Variants in SPATA13 observed in about 807,000 individuals in gnomAD.
SPATA13 encodes spermatogenesis associated 13.
In SPATA13, 50 loss-of-function variants were observed where a neutral mutation model predicts 104.0. The ratio of observed to expected loss-of-function variants is 0.48; its 90% CI spans 0.38 to 0.61. The LOEUF is 0.61. SPATA13 is among the 20% of genes least tolerant of loss of function. The pLI, the probability that SPATA13 is intolerant of heterozygous loss-of-function variation, is 0.00. For synonymous variants in SPATA13, 606 were observed against 667.5 expected, an observed-to-expected ratio of 0.91 and a Z score of 1.42; for missense variants, 1,524 against 1,690.6, an observed-to-expected ratio of 0.90 and a Z score of 1.73.
chr13:24,071,326 C>T lies in SPATA13; in HGVS notation c.-112+53625C>T, dbSNP rs1345402504. Among the ~76,000 whole-genome samples the T allele has an allele frequency of 1.3e-5, 2 of 152,188 alleles. 1 individual carries two copies. Among genetic ancestry groups the T allele is most frequent in the Non-Finnish European group, 2.9e-5 (2 of 68,040 alleles). On this transcript the variant is annotated intron_variant, in intron 3 of 14. Coordinates refer to the SPATA13 transcript ENST00000424834. The stretch of plus-strand genomic sequence containing the variant: ...ATCCAGAAGCTAGTTGGAGCTTAGC[C>T]TGCTATGCTGAACTTCAGGAAACTG...
chr13:24,300,604 G>T (rs1877115677), intron 12 of SPATA13, 129 bp downstream of exon 12: 1 of 826,420 alleles, frequency 1.2e-6, no homozygotes, highest in African/African-American at 1.7e-5. Context: ...GAACTCAAGG[G>T]CAGGTCCAGA....
chr13:24,294,419 T>C (rs945756569), intron 9 of SPATA13, among the ~76,000 whole-genome samples: 1 of 152,252 alleles, frequency 6.6e-6, no homozygotes, highest in African/African-American at 2.4e-5. Context: ...CTTTCTGTAT[T>C]AATGAAAGTC....
intron 3 of SPATA13, chr13:24,123,608 C>T: frequency 6.2e-7 from 1 of 1,607,072 alleles, no homozygotes; most frequent in East Asian, 2.2e-5. Flanking sequence ...AGGCTGTAAA[C>T]AAAAGTGTCT....
chr13:24,141,050 C>T (rs568884366), intron 3 of SPATA13, among the ~76,000 whole-genome samples: 125 of 152,072 alleles, frequency 8.2e-4, no homozygotes, highest in Admixed American at 1.6e-3. Flanking sequence ...TAGCGAGCAC[C>T]TGTAATCCCA....
At chr13:24,301,134 C>G (rs2138778542) in intron 12 of SPATA13, among the ~76,000 whole-genome samples, 1 of 152,292 alleles carries the variant, frequency 6.6e-6, no homozygotes. Context: ...TCTGGCCCAA[C>G]AGGAATTCAG....
intron 2 of SPATA13, among the ~76,000 whole-genome samples, chr13:24,006,756 C>T (rs947649601): frequency 6.7e-6 from 1 of 150,200 alleles, no homozygotes; most frequent in Non-Finnish European, 1.5e-5. Flanking sequence ...CCGGGACACG[C>T]AGCCCAAGCT....
chr13:24,174,737 T>C (rs1423428847), intron 1 of SPATA13, among the ~76,000 whole-genome samples: 1 of 152,096 alleles, frequency 6.6e-6, no homozygotes, highest in Non-Finnish European at 1.5e-5. Context: ...TCACCACGCC[T>C]GGCTAATATT....
intron 3 of SPATA13, among the ~76,000 whole-genome samples, chr13:24,097,111 T>G (rs754151038): frequency 6.6e-6 from 1 of 151,956 alleles, no homozygotes; most frequent in Non-Finnish European, 1.5e-5. Context: ...GAGATAGAAT[T>G]AATAGGGCTT....
intron 1 of SPATA13, among the ~76,000 whole-genome samples, chr13:24,220,246 C>T (rs1401909474): frequency 6.6e-6 from 1 of 152,154 alleles, no homozygotes; most frequent in Non-Finnish European, 1.5e-5. Flanking sequence ...CAAGGTTAGG[C>T]CGATTCCCAT....
intron 3 of SPATA13, among the ~76,000 whole-genome samples, chr13:24,143,989 C>T (rs1253582434): frequency 2.0e-5 from 3 of 152,122 alleles, no homozygotes; most frequent in Admixed American, 6.5e-5. Context: ...TGAGAAAGGC[C>T]GCCCAGGGTT....
chr13:24,249,453 A>T, intron 2 of SPATA13, 24 bp from the exon 3 acceptor site: 1 of 1,519,218 alleles, frequency 6.6e-7, no homozygotes, highest in Non-Finnish European at 8.8e-7. Context: ...TATTGAGCTC[A>T]CCTGACCTGT....
At chr13:24,080,362 AC>A (rs1879470874) in intron 3 of SPATA13, among the ~76,000 whole-genome samples, 1 of 152,242 alleles carries the variant, frequency 6.6e-6, no homozygotes, top group South Asian at 2.1e-4. Context: ...ATAAGCAGGA[AC>A]CAACGACTTA....
intron 1 of SPATA13, among the ~76,000 whole-genome samples, chr13:24,182,935 G>T (rs932763825): frequency 1.3e-5 from 2 of 152,124 alleles, no homozygotes; most frequent in Non-Finnish European, 2.9e-5. Context: ...TCACAGCAGG[G>T]CCTTGGTGCC....
Position 24,051,947 on chromosome 13 carries a change from A to T in SPATA13, c.-112+34246A>T, listed in dbSNP as rs1209468799. On this transcript the variant is annotated intron_variant, in intron 3 of 14. Transcript: ENST00000424834. This position sits in a 1 kb window ranked among gnomAD's most constrained non-coding sequence, Gnocchi z 4.2. ...ACCCCTGCAGCTCCTCACCAGGTTC[A>T]GACGTCCTGGCTCTGGTCCTCCCAC... 6.6e-6 allele frequency among the ~76,000 whole-genome samples: 1 copy of T among 152,172 alleles called. No individual in the cohort carries two copies. Among genetic ancestry groups the T allele is most frequent in the Non-Finnish European group, 1.5e-5 (1 of 68,018 alleles).
At chr13:24,037,559 A>ATG (rs1566081212) in intron 3 of SPATA13, among the ~76,000 whole-genome samples, 5 of 149,374 alleles carry the variant, frequency 3.3e-5, no homozygotes, top group Admixed American at 6.7e-5. Flanking sequence ...AGGTGTGCAC[A>ATG]CCACCACACC....
rs188975403 is a variant in SPATA13, at chr13:24,017,277, T to C, written c.-146-390T>C. Among the ~76,000 whole-genome samples, 30 of 152,226 alleles carry C rather than the reference T, an allele frequency of 2.0e-4. No homozygotes were observed. The East Asian group carries it at 4.6e-3, about 24-fold the overall frequency. On this transcript the variant is annotated intron_variant, in intron 2 of 14. Transcript: ENST00000424834. ...AATTCTCTTATCCTCATCCGAGAAA[T>C]AGAATAATTTGCCTGGGCGTGCAGC...
intron 3 of SPATA13, among the ~76,000 whole-genome samples, chr13:24,118,849 C>A (rs1283496915): frequency 6.6e-6 from 1 of 152,108 alleles, no homozygotes; most frequent in Non-Finnish European, 1.5e-5. Flanking sequence ...TTCCCGTGTT[C>A]AGTAAGAACT....
intron 1 of SPATA13, among the ~76,000 whole-genome samples, chr13:24,181,354 A>G (rs1868794676): frequency 6.6e-6 from 1 of 152,204 alleles, no homozygotes; most frequent in African/African-American, 2.4e-5. Context: ...GTTACTTTAT[A>G]AATTTTAATT....
chr13:24,080,940 G>A (rs183786656), intron 3 of SPATA13, among the ~76,000 whole-genome samples: 2 of 152,272 alleles, frequency 1.3e-5, no homozygotes, highest in Admixed American at 6.5e-5. Flanking sequence ...GGAAACACAC[G>A]TACCTCCTAA....
Sources: allele counts gnomAD v4.1 joint callset (sites outside exome capture counted in the v4.1 genomes callset), GRCh38; gene constraint gnomAD v4.1.1; non-coding constraint Gnocchi (gnomAD v3.1); transcripts MANE v1.5; gene names NCBI Gene and HGNC (gene_info 2026-07-23, HGNC 2026-07-21).